CCAR1: variants seen among roughly 807,000 people sequenced by gnomAD.
CCAR1 encodes cell division cycle and apoptosis regulator 1.
Under a neutral mutation model 163.8 loss-of-function variants are expected in CCAR1, and 78 were observed. The ratio of observed to expected loss-of-function variants is 0.48; its 90% CI spans 0.40 to 0.57. The LOEUF is 0.57. Ranked by LOEUF, CCAR1 falls within the 20% of genes least tolerant of loss-of-function variation. The pLI is 0.00. For synonymous variants in CCAR1, 443 were observed against 460.7 expected (o/e 0.96, Z 0.49); for missense variants, 1,019 against 1,365.2 (o/e 0.75, Z 4.00).
intron 1 of CCAR1, among the ~76,000 whole-genome samples, chr10:68,722,168 G>A (rs752981827): frequency 2.0e-5 from 3 of 152,170 alleles, no homozygotes; most frequent in Non-Finnish European, 4.4e-5. Flanking sequence ...ACAGCAGATG[G>A]TCTTCGTTTA....
At chr10:68,761,301 TTTAA>T (rs1276292720) in intron 16 of CCAR1, 109 bp downstream of exon 16, 9 of 443,796 alleles carry the variant, frequency 2.0e-5, no homozygotes, top group Non-Finnish European at 1.5e-5. Context: ...ATTTATTTAA[TTTAA>T]TTAATTAATT....
chr10:68,772,199 T>C (rs1289913106), intron 18 of CCAR1, among the ~76,000 whole-genome samples: 1 of 152,114 alleles, frequency 6.6e-6, no homozygotes, highest in African/African-American at 2.4e-5. Flanking sequence ...TATACATTTA[T>C]AGTATGGGCA....
chr10:68,743,728 G>A (rs1006385619), intron 6 of CCAR1, among the ~76,000 whole-genome samples: 6 of 147,932 alleles, frequency 4.1e-5, no homozygotes, highest in African/African-American at 1.5e-4. Context: ...TTATTTATTT[G>A]TTTGTTTATT....
At chr10:68,731,389 A>C (rs772169002) in intron 2 of CCAR1, among the ~76,000 whole-genome samples, 2 of 152,192 alleles carry the variant, frequency 1.3e-5, no homozygotes, top group Non-Finnish European at 2.9e-5. Context: ...ACTTCATTGA[A>C]ATTAAAGTCT....
At chr10:68,791,111 A>C (rs2133444856) in intron 24 of CCAR1, 96 bp from the exon 25 acceptor site, 1 of 613,956 alleles carries the variant, frequency 1.6e-6, no homozygotes, top group East Asian at 3.2e-5. Flanking sequence ...CACTAGAAAA[A>C]AGTATACCAA....
In CCAR1 at chr10:68,722,465, TAG is replaced by T; in HGVS notation, c.-38_-37del. The T allele has an allele frequency of 6.6e-7, 1 of 1,515,148 alleles. No homozygotes were observed. The highest frequency in any genetic ancestry group is 9.2e-7 in the Non-Finnish European group (1 of 1,089,780). The allele number at this position is 1,515,148 out of a possible 1,614,324, so 93.9% of individuals were successfully genotyped here. ...TCCTTTTCTTGATAGATCGATGCTA[TAG>T]AAGACAAACAAGGGAAGGTTTTTTT... On this transcript the variant is annotated 5_prime_UTR_variant, in exon 2 of 25. An upstream open reading frame in the 5' UTR loses its in-frame stop. Transcript: ENST00000265872.
intron 19 of CCAR1, among the ~76,000 whole-genome samples, chr10:68,782,970 C>CCTTGGAT (rs1272587429): frequency 1.3e-5 from 2 of 151,220 alleles, no homozygotes; most frequent in Non-Finnish European, 2.9e-5. Context: ...ATTCTGCAGC[C>CCTTGGAT]CTTGGATCAG....
intron 8 of CCAR1, among the ~76,000 whole-genome samples, chr10:68,748,485 C>CTTTTTTTTT (rs768641201): frequency 8.5e-6 from 1 of 117,828 alleles, no homozygotes; most frequent in African/African-American, 3.1e-5. Flanking sequence ...GTGACATGTT[C>CTTTTTTTTT]TTTTTTTTTT....
At chr10:68,778,126 GA>G (rs2056690832) in intron 19 of CCAR1, among the ~76,000 whole-genome samples, 1 of 152,146 alleles carries the variant, frequency 6.6e-6, no homozygotes, top group African/African-American at 2.4e-5. Flanking sequence ...TGAGGCAGGA[GA>G]ATCACTTGAA....
At chr10:68,754,429 G>A (rs1213363016) in intron 11 of CCAR1, among the ~76,000 whole-genome samples, 1 of 152,168 alleles carries the variant, frequency 6.6e-6, no homozygotes, top group Non-Finnish European at 1.5e-5. Context: ...TCAGTATATT[G>A]TGTATAGTCT....
At chr10:68,753,168 C>T (rs977448098) in intron 10 of CCAR1, among the ~76,000 whole-genome samples, 4 of 150,928 alleles carry the variant, frequency 2.7e-5, no homozygotes, top group Admixed American at 1.3e-4. Context: ...CCTTTCAGTT[C>T]CTCTCTTTTA....
intron 17 of CCAR1, among the ~76,000 whole-genome samples, chr10:68,766,839 A>G (rs564726148): frequency 2.6e-5 from 4 of 151,852 alleles, no homozygotes; most frequent in Non-Finnish European, 5.9e-5. Context: ...ATGCCTTTTC[A>G]TTGCTTGTTT....
At position 68,742,296 on chromosome 10, in the gene CCAR1, G is replaced by T. The variant is rs557147054; in HGVS notation, c.325-80G>T. On this transcript the variant is annotated intron_variant, in intron 5 of 24. Transcript: ENST00000265872. ...ATAATATGAAATTTTTAACATTCTG[G>T]GTTAGTTTTAAGTAGTCATATTCAG... The T allele has an allele frequency of 3.9e-6, 4 of 1,032,324 alleles. No individual in the cohort carries two copies. The East Asian group carries it at 7.4e-5, about 19-fold the overall frequency. 63.9% of individuals were successfully genotyped at this position (1,032,324 alleles called of 1,614,324 possible).
chr10:68,763,510 C>T (rs373886458), intron 16 of CCAR1, among the ~76,000 whole-genome samples: 2 of 152,044 alleles, frequency 1.3e-5, no homozygotes, highest in Non-Finnish European at 2.9e-5. Flanking sequence ...TGGAGTGGCA[C>T]GATCTCGGCT....
chr10:68,741,622 T>C (rs1256968762), intron 5 of CCAR1, among the ~76,000 whole-genome samples: 1 of 152,226 alleles, frequency 6.6e-6, no homozygotes, highest in African/African-American at 2.4e-5. Flanking sequence ...TGGAATGATA[T>C]TCCAGATAAT....
intron 19 of CCAR1, among the ~76,000 whole-genome samples, chr10:68,774,146 C>T (rs1217315460): frequency 6.6e-6 from 1 of 151,872 alleles, no homozygotes; most frequent in African/African-American, 2.4e-5. Flanking sequence ...CCTACCTCGG[C>T]CTCCCAATGT....
At position 68,754,028 on chromosome 10, in the gene CCAR1, A is replaced by T; in HGVS notation, c.1295A>T (p.Asn432Ile). The change falls in exon 11 of 25, where the codon AAT (asparagine) becomes ATT (isoleucine). Residue 432 changes from asparagine to isoleucine, a missense_variant. Physicochemically the swap from Asn to Ile is moderately radical, Grantham distance 149 (BLOSUM62 -3). Coordinates refer to ENST00000265872, the MANE Select transcript of CCAR1 (RefSeq NM_018237.4). ...MHREVESLEK[N>I]MAILDPPDAD... is the part of the protein sequence containing the mutation. The stretch of plus-strand genomic sequence containing the variant: ...AGAGAAGTAGAGTCCTTAGAAAAAA[A>T]TATGGCCATTCTTGATCCACCAGAT... The T allele has an allele frequency of 6.2e-7, 1 of 1,613,936 alleles. No homozygotes were observed. Among genetic ancestry groups the T allele is most frequent in the South Asian group, 1.1e-5 (1 of 91,080 alleles).
chr10:68,733,812 C>T (rs556551761), intron 2 of CCAR1, among the ~76,000 whole-genome samples: 4 of 152,120 alleles, frequency 2.6e-5, no homozygotes, highest in African/African-American at 4.8e-5. Context: ...GACAGGCTCA[C>T]GCCACCACAC....
rs1282504340 is a variant in CCAR1, at chr10:68,758,619, A to G, written c.1920+1242A>G. The stretch of plus-strand genomic sequence containing the variant: ...CACACATATATATACGTGTGTGTAT[A>G]TATATATATATGTATATATACACAC... On this transcript the variant is annotated intron_variant, in intron 15 of 24. Transcript: ENST00000265872. 3.0e-4 allele frequency among the ~76,000 whole-genome samples: 34 copies of G among 112,136 alleles called. No homozygotes were observed. In the South Asian group the frequency reaches 4.3e-3, roughly 14 times the overall value. 73.6% of individuals were successfully genotyped at this position (112,136 alleles called of 152,430 possible). A position where few individuals can be genotyped will look rare whatever the true frequency, so the allele number is the denominator to read the frequency against.
Sources: gnomAD v4.1 joint callset for allele counts (sites outside exome capture counted in the v4.1 genomes callset) on GRCh38, gnomAD v4.1.1 for gene constraint, MANE v1.5 for transcripts, NCBI Gene and HGNC (gene_info 2026-07-23, HGNC 2026-07-21) for gene names.